CHD9: variants seen among roughly 807,000 people sequenced by gnomAD.
CHD9 encodes the protein chromodomain helicase DNA binding protein 9.
CHD9 carries 77 observed loss-of-function variants against 316.1 expected under a neutral mutation model. The observed-to-expected ratio is 0.24, with a 90% confidence interval of 0.20 to 0.29. The LOEUF (loss-of-function observed/expected upper bound fraction) is 0.29, where lower values mean the gene tolerates loss of function less well. CHD9 is among the 10% of genes least tolerant of loss of function. The pLI, the probability that CHD9 is intolerant of heterozygous loss-of-function variation, is 1.00. For missense variants in CHD9, 2,763 were observed against 3,438.1 expected (o/e 0.80, Z 4.91); for synonymous variants, 1,129 against 1,158.3 (o/e 0.97, Z 0.51).
At chr16:53,234,859 T>C (rs765133929) in intron 10 of CHD9, among the ~76,000 whole-genome samples, 1 of 152,130 alleles carries the variant, frequency 6.6e-6, no homozygotes, top group Non-Finnish European at 1.5e-5. Flanking sequence ...ATTGCCCTTA[T>C]ATATTGTTAA....
At chr16:53,160,736 G>C in intron 2 of CHD9, among the ~76,000 whole-genome samples, 1 of 152,028 alleles carries the variant, frequency 6.6e-6, no homozygotes, top group East Asian at 1.9e-4. Flanking sequence ...GTGAAACCCC[G>C]TCTCTACTAA....
At chr16:53,243,239 G>A (rs772391508) in intron 13 of CHD9, among the ~76,000 whole-genome samples, 16 of 152,088 alleles carry the variant, frequency 1.1e-4, no homozygotes, top group Non-Finnish European at 2.1e-4. Context: ...AAAAGCATTA[G>A]TAATTAATTT....
At chr16:53,260,028 C>T (rs1338206745) in intron 19 of CHD9, among the ~76,000 whole-genome samples, 1 of 152,144 alleles carries the variant, frequency 6.6e-6, no homozygotes, top group East Asian at 1.9e-4. Context: ...AAAATTTGTT[C>T]TGAAATAGTT....
chr16:53,320,022 G>A (rs2057156774), intron 37 of CHD9: 1 of 294,646 alleles, frequency 3.4e-6, no homozygotes, highest in South Asian at 1.2e-4. Context: ...TAAATAAATA[G>A]AAGGAGCTGG....
chr16:53,232,617 T>C (rs1158802077), intron 10 of CHD9, among the ~76,000 whole-genome samples: 3 of 152,130 alleles, frequency 2.0e-5, no homozygotes, highest in Non-Finnish European at 2.9e-5. Context: ...CGTAAAGTAT[T>C]TTGAGATTCT....
intron 24 of CHD9, 67 bp downstream of exon 24, chr16:53,274,369 G>A: frequency 1.1e-6 from 1 of 918,454 alleles, no homozygotes; most frequent in Non-Finnish European, 1.6e-6. Context: ...CAAGCTCCTG[G>A]GTTCAAGCGA....
At chr16:53,148,613 A>G (rs1230017373) in intron 1 of CHD9, among the ~76,000 whole-genome samples, 1 of 152,200 alleles carries the variant, frequency 6.6e-6, no homozygotes, top group Admixed American at 6.5e-5. Context: ...GAGTGTCTTC[A>G]TGTCCTCCTT....
chr16:53,146,670 A>G (rs2040651614), intron 1 of CHD9, among the ~76,000 whole-genome samples: 1 of 146,440 alleles, frequency 6.8e-6, no homozygotes, highest in Non-Finnish European at 1.5e-5. Context: ...ATGGTGACAC[A>G]TGCCTGTAAT....
intron 2 of CHD9, among the ~76,000 whole-genome samples, chr16:53,203,207 C>A (rs1024186017): frequency 6.6e-6 from 1 of 152,136 alleles, no homozygotes; most frequent in Non-Finnish European, 1.5e-5. Context: ...AAAACCAGTA[C>A]ACCAGCTTAC....
intron 2 of CHD9, among the ~76,000 whole-genome samples, chr16:53,199,409 T>G (rs901389549): frequency 3.9e-5 from 6 of 152,294 alleles, no homozygotes; most frequent in African/African-American, 1.4e-4. Flanking sequence ...GTATATATAT[T>G]TTGAAAATAA....
intron 4 of CHD9, among the ~76,000 whole-genome samples, chr16:53,225,822 A>G (rs2047606554): frequency 6.6e-6 from 1 of 151,998 alleles, no homozygotes; most frequent in African/African-American, 2.4e-5. Context: ...TTTGGCAAAC[A>G]CTATTTAATT....
chr16:53,219,567 T>C (rs1052515607), intron 3 of CHD9, among the ~76,000 whole-genome samples: 1 of 152,140 alleles, frequency 6.6e-6, no homozygotes, highest in Non-Finnish European at 1.5e-5. Context: ...ACCAGAAGAC[T>C]CTTGTGTCAG....
In CHD9 at chr16:53,325,002, TTTCAG is replaced by T; in HGVS notation, c.*110_*114del. The T allele has an allele frequency of 1.1e-6, 1 of 944,050 alleles. No homozygotes were observed. The highest frequency in any genetic ancestry group is 1.5e-6 in the Non-Finnish European group (1 of 653,644). 58.5% of individuals were successfully genotyped at this position (944,050 alleles called of 1,614,324 possible). A position where few individuals can be genotyped will look rare whatever the true frequency, so the allele number is the denominator to read the frequency against. On this transcript the variant is annotated 3_prime_UTR_variant, in exon 39 of 39. Transcript: ENST00000447540. ...GCATCAATAACTTACTGACCGAACA[TTTCAG>T]TTATTTGTTTAGAAGTGCAAACTGC...
At chr16:53,145,052 A>T (rs1253798764) in intron 1 of CHD9, among the ~76,000 whole-genome samples, 1 of 152,216 alleles carries the variant, frequency 6.6e-6, no homozygotes, top group East Asian at 1.9e-4. Flanking sequence ...TCAATTAAGC[A>T]AAGATACATT....
At chr16:53,318,370 G>A (rs775457754) in intron 37 of CHD9, 30 bp downstream of exon 37, 4 of 1,531,208 alleles carry the variant, frequency 2.6e-6, no homozygotes, top group East Asian at 2.3e-5. Flanking sequence ...TTAATCTTTT[G>A]TATTGATTCA....
chr16:53,257,188 T>C (rs1337433879), intron 19 of CHD9, among the ~76,000 whole-genome samples: 1 of 152,152 alleles, frequency 6.6e-6, no homozygotes, highest in African/African-American at 2.4e-5. Flanking sequence ...CTACAAGGAA[T>C]ATTTCAGGAA....
chr16:53,112,235 A>G (rs1476441243), intron 1 of CHD9, among the ~76,000 whole-genome samples: 2 of 152,190 alleles, frequency 1.3e-5, no homozygotes, highest in African/African-American at 2.4e-5. Context: ...TTAACTCACA[A>G]CTGTTCAAGT....
At chr16:53,226,287 C>A in intron 4 of CHD9, 79 bp from the exon 5 acceptor site, 2 of 930,884 alleles carry the variant, frequency 2.1e-6, no homozygotes, top group South Asian at 2.2e-5. Flanking sequence ...TACAAAATTG[C>A]CAACTCTAGG....
At chr16:53,095,899 A>G (rs939580349) in intron 1 of CHD9, among the ~76,000 whole-genome samples, 2 of 152,146 alleles carry the variant, frequency 1.3e-5, no homozygotes, top group African/African-American at 2.4e-5. Context: ...GTTCTTTCCA[A>G]CAATTTGGTA....
Sources: gnomAD v4.1 joint callset for allele counts (sites outside exome capture counted in the v4.1 genomes callset) on GRCh38, gnomAD v4.1.1 for gene constraint, MANE v1.5 for transcripts, NCBI Gene and HGNC (gene_info 2026-07-23, HGNC 2026-07-21) for gene names.